LMOD1: variants seen among roughly 807,000 people sequenced by gnomAD.
LMOD1 encodes the protein leiomodin 1.
In LMOD1, 8 loss-of-function variants were observed where a neutral mutation model predicts 36.5. The ratio of observed to expected loss-of-function variants is 0.22; its 90% CI spans 0.13 to 0.40. The LOEUF (loss-of-function observed/expected upper bound fraction) is 0.40, where lower values mean the gene tolerates loss of function less well. LMOD1 is among the 10% of genes least tolerant of loss of function. The probability of loss-of-function intolerance (pLI) is 1.00; values close to 1 mark genes in which losing one functional copy is unlikely to be tolerated. For synonymous variants in LMOD1, 284 were observed against 288.7 expected, an observed-to-expected ratio of 0.98 and a Z score of 0.17; for missense variants, 630 against 751.1, an observed-to-expected ratio of 0.84 and a Z score of 1.88.
intron 1 of LMOD1, among the ~76,000 whole-genome samples, chr1:201,900,973 G>C (rs186104974): frequency 6.6e-6 from 1 of 152,040 alleles, no homozygotes. Context: ...AAGGCCTCAG[G>C]GTTGTGAGAC....
chr1:201,938,914 A>G (rs1267336201), intron 1 of LMOD1, among the ~76,000 whole-genome samples: 1 of 152,194 alleles, frequency 6.6e-6, no homozygotes, highest in Non-Finnish European at 1.5e-5. Flanking sequence ...GCAGACAAGG[A>G]GAATCCACCT....
chr1:201,942,260 A>C (rs1682129689), intron 1 of LMOD1, among the ~76,000 whole-genome samples: 1 of 152,206 alleles, frequency 6.6e-6, no homozygotes, highest in Non-Finnish European at 1.5e-5. Context: ...CAAGTCCCAC[A>C]AGCTGGTGAG....
chr1:201,913,792 A>G (rs1681553596), intron 1 of LMOD1, among the ~76,000 whole-genome samples: 1 of 152,170 alleles, frequency 6.6e-6, no homozygotes, highest in East Asian at 1.9e-4. Flanking sequence ...ATTTGAATTC[A>G]GAGTTTCCTT....
intron 1 of LMOD1, among the ~76,000 whole-genome samples, chr1:201,939,088 C>T (rs950249427): frequency 2.0e-5 from 3 of 151,894 alleles, no homozygotes; most frequent in African/African-American, 4.8e-5. Context: ...TCCCTGCTTT[C>T]CTTCCTCCCC....
In LMOD1 at chr1:201,946,458, C is replaced by T; in HGVS notation, c.-118G>A. The stretch of plus-strand genomic sequence containing the variant: ...GCTGAGGAGCAAACCTCCTGCTGGT[C>T]GAGGACTGCAGCTCCTTGGCCCTTC... On this transcript the variant is annotated 5_prime_UTR_variant, in exon 1 of 3. Coordinates refer to ENST00000367288, the MANE Select transcript of LMOD1 (RefSeq NM_012134.3). 9.5e-7 allele frequency: 1 copy of T among 1,052,678 alleles called. No individual in the cohort carries two copies. The highest frequency in any genetic ancestry group is 1.4e-6 in the Non-Finnish European group (1 of 725,182). 65.2% of individuals were successfully genotyped at this position (1,052,678 alleles called of 1,614,324 possible). A position where few individuals can be genotyped will look rare whatever the true frequency, so the allele number is the denominator to read the frequency against.
At chr1:201,934,734 A>G (rs1056441456) in intron 1 of LMOD1, among the ~76,000 whole-genome samples, 4 of 152,152 alleles carry the variant, frequency 2.6e-5, no homozygotes, top group African/African-American at 7.2e-5. Flanking sequence ...AATGGCTTCC[A>G]TCTTACCAAT....
At chr1:201,925,673 T>TG (rs1400641587) in intron 1 of LMOD1, among the ~76,000 whole-genome samples, 1 of 151,342 alleles carries the variant, frequency 6.6e-6, no homozygotes, top group Non-Finnish European at 1.5e-5. Flanking sequence ...GCTTGTTTTT[T>TG]TTTTTTTCAA....
chr1:201,907,693 G>A (rs917895666), intron 1 of LMOD1, among the ~76,000 whole-genome samples: 5 of 152,122 alleles, frequency 3.3e-5, no homozygotes, highest in Admixed American at 6.5e-5. Flanking sequence ...ATAGGGACAG[G>A]TATTATCCCC....
chr1:201,945,111 T>G (rs948868427), intron 1 of LMOD1, among the ~76,000 whole-genome samples: 1 of 151,500 alleles, frequency 6.6e-6, no homozygotes, highest in South Asian at 2.1e-4. Flanking sequence ...ACAATTTTCC[T>G]ATGCAACACT....
intron 1 of LMOD1, among the ~76,000 whole-genome samples, chr1:201,902,310 C>T (rs1009764858): frequency 6.6e-6 from 1 of 151,718 alleles, no homozygotes; most frequent in African/African-American, 2.4e-5. Context: ...GTCAGCTGAT[C>T]TCTGGAAGAC....
chr1:201,919,338 G>T (rs565848742), intron 1 of LMOD1, among the ~76,000 whole-genome samples: 1 of 152,050 alleles, frequency 6.6e-6, no homozygotes, highest in African/African-American at 2.4e-5. Context: ...CCAAGTAGCT[G>T]GGATTACAGG....
chr1:201,910,184 C>T (rs748601816), intron 1 of LMOD1, among the ~76,000 whole-genome samples: 2 of 152,134 alleles, frequency 1.3e-5, no homozygotes, highest in Non-Finnish European at 2.9e-5. Context: ...AGGGAGGAGC[C>T]CTTTTGGGCT....
chr1:201,916,895 C>T (rs1681621712), intron 1 of LMOD1, among the ~76,000 whole-genome samples: 2 of 152,218 alleles, frequency 1.3e-5, no homozygotes, highest in Admixed American at 1.3e-4. Context: ...TTCATTTTTA[C>T]CTCCCAAGAT....
intron 1 of LMOD1, among the ~76,000 whole-genome samples, chr1:201,908,471 C>A (rs1681444574): frequency 6.6e-6 from 1 of 152,160 alleles, no homozygotes; most frequent in South Asian, 2.1e-4. Flanking sequence ...TGGGAATGTT[C>A]AAGGGCTTAT....
chr1:201,920,427 A>G (rs1474208121), intron 1 of LMOD1, among the ~76,000 whole-genome samples: 1 of 151,830 alleles, frequency 6.6e-6, no homozygotes, highest in Non-Finnish European at 1.5e-5. Flanking sequence ...GGTCAATACA[A>G]CTCCTAAATG....
chr1:201,944,429 C>T (rs1682168379), intron 1 of LMOD1, among the ~76,000 whole-genome samples: 1 of 152,144 alleles, frequency 6.6e-6, no homozygotes, highest in South Asian at 2.1e-4. Flanking sequence ...CAGTCATGGG[C>T]CCAGAGCCTG....
chr1:201,924,839 T>C (rs1375841741), intron 1 of LMOD1, among the ~76,000 whole-genome samples: 1 of 151,980 alleles, frequency 6.6e-6, no homozygotes, highest in Non-Finnish European at 1.5e-5. Context: ...GAGTTATGAC[T>C]GCACCATTGC....
chr1:201,927,082 G>A (rs1648021863), intron 1 of LMOD1, among the ~76,000 whole-genome samples: 1 of 152,084 alleles, frequency 6.6e-6, no homozygotes, highest in Non-Finnish European at 1.5e-5. Flanking sequence ...TACATTATAA[G>A]CATACTTTTC....
chr1:201,899,779 G>C lies in LMOD1; in HGVS notation c.1234C>G (p.Leu412Val), dbSNP rs776003716. Residue 412 changes from leucine to valine, a missense_variant, in exon 2 of 3, where the codon CTC becomes GTC. Physicochemically the swap from Leu to Val is conservative, Grantham distance 32. Coordinates refer to ENST00000367288, the MANE Select transcript of LMOD1 (RefSeq NM_012134.3). This position sits in a 1 kb window ranked among gnomAD's most constrained non-coding sequence, Gnocchi z 6.3. ...AGCTCGGTCAGCGTGTTGTTCTGGAGGAGGGCCCGGAAGATGGCCAGGATG... is the reference window on the plus strand; with the variant it reads ...AGCTCGGTCAGCGTGTTGTTCTGGACGAGGGCCCGGAAGATGGCCAGGATG... ...KGILAIFRAL[L>V]QNNTLTELRF... 11 of 1,614,048 alleles carry C rather than the reference G, an allele frequency of 6.8e-6. No homozygotes were observed. Among genetic ancestry groups the C allele is most frequent in the South Asian group, 1.1e-5 (1 of 91,084 alleles).
Sources: gnomAD v4.1 joint callset for allele counts (sites outside exome capture counted in the v4.1 genomes callset) on GRCh38, gnomAD v4.1.1 for gene constraint, Gnocchi (gnomAD v3.1) non-coding constraint, MANE v1.5 for transcripts, NCBI Gene and HGNC (gene_info 2026-07-23, HGNC 2026-07-21) for gene names.